The following AGBL1 variants were observed in gnomAD, a reference collection of about 807,000 sequenced individuals.
AGBL1 encodes the protein cytosolic carboxypeptidase 4.
Under a neutral mutation model 118.9 loss-of-function variants are expected in AGBL1, and 130 were observed. The ratio of observed to expected loss-of-function variants is 1.09; its 90% CI spans 0.95 to 1.26. The LOEUF is 1.26. Among genes scored for constraint, AGBL1 ranks in the 50% most tolerant of loss-of-function variants. AGBL1 has a pLI of 0.00. For synonymous variants in AGBL1, 555 were observed against 478.9 expected (o/e 1.16, Z -2.08); for missense variants, 1,584 against 1,298.1 (o/e 1.22, Z -3.38).
At chr15:86,506,894 G>A (rs2082983966) in intron 18 of AGBL1, among the ~76,000 whole-genome samples, 1 of 151,894 alleles carries the variant, frequency 6.6e-6, no homozygotes, top group African/African-American at 2.4e-5. Flanking sequence ...ATATCATGTA[G>A]GATAATTTTT....
At chr15:86,193,429 A>T (rs1334026302) in intron 5 of AGBL1, among the ~76,000 whole-genome samples, 1 of 152,136 alleles carries the variant, frequency 6.6e-6, no homozygotes, top group Non-Finnish European at 1.5e-5. Context: ...CCATTTTTCT[A>T]AATTAGAAGG....
At chr15:86,854,484 G>T (rs2079450299) in intron 22 of AGBL1, among the ~76,000 whole-genome samples, 1 of 152,176 alleles carries the variant, frequency 6.6e-6, no homozygotes, top group South Asian at 2.1e-4. Context: ...CATCAGGGCT[G>T]CAGGGGAGTC....
At chr15:86,880,261 G>C (rs12324247) in intron 22 of AGBL1, among the ~76,000 whole-genome samples, 1,796 of 152,250 alleles carry the variant, frequency 0.012, 38 homozygotes, top group African/African-American at 0.041. Context: ...GATAAAGTAA[G>C]AAATTCACTC....
At chr15:86,235,263 T>G (rs1023002073) in intron 6 of AGBL1, among the ~76,000 whole-genome samples, 1 of 152,238 alleles carries the variant, frequency 6.6e-6, no homozygotes, top group Non-Finnish European at 1.5e-5. Flanking sequence ...CTATTGACTC[T>G]AATGTGTTTT....
At chr15:86,136,705 G>C (rs543685554) in intron 1 of AGBL1, among the ~76,000 whole-genome samples, 64 of 152,298 alleles carry the variant, frequency 4.2e-4, no homozygotes, top group African/African-American at 1.3e-3. Context: ...TGGGGTAGGA[G>C]GAGTGGCTGC....
chr15:86,606,505 T>C (rs2084579808), intron 21 of AGBL1, among the ~76,000 whole-genome samples: 1 of 152,182 alleles, frequency 6.6e-6, no homozygotes, highest in Non-Finnish European at 1.5e-5. Flanking sequence ...GTTGAACAAC[T>C]CACCATTAAA....
At chr15:86,346,919 T>C (rs2080546622) in intron 17 of AGBL1, among the ~76,000 whole-genome samples, 1 of 152,164 alleles carries the variant, frequency 6.6e-6, no homozygotes, top group Admixed American at 6.5e-5. Flanking sequence ...GTTGATCTGT[T>C]GTAGGTCAAC....
chr15:86,869,481 G>C (rs1350078880), intron 22 of AGBL1, among the ~76,000 whole-genome samples: 1 of 152,108 alleles, frequency 6.6e-6, no homozygotes, highest in African/African-American at 2.4e-5. Context: ...ATATGGTAAA[G>C]CTAAATGACA....
intron 4 of AGBL1, among the ~76,000 whole-genome samples, chr15:86,157,564 A>G (rs1385459907): frequency 6.6e-6 from 1 of 152,190 alleles, no homozygotes; most frequent in Non-Finnish European, 1.5e-5. Flanking sequence ...TTCTAAGCCT[A>G]CGTTGATTGT....
At chr15:86,196,879 G>GCGCGCGCGCGCACACACA (rs756313941) in intron 5 of AGBL1, among the ~76,000 whole-genome samples, 33 of 116,960 alleles carry the variant, frequency 2.8e-4, no homozygotes, top group African/African-American at 1.2e-3. Context: ...GCGCGCGCGC[G>GCGCGCGCGCGCACACACA]CACACACACA....
At chr15:86,849,982 A>G (rs1311751269) in intron 22 of AGBL1, among the ~76,000 whole-genome samples, 2 of 152,202 alleles carry the variant, frequency 1.3e-5, no homozygotes, top group African/African-American at 4.8e-5. Flanking sequence ...TTCCATTCCT[A>G]TGCTGTTCAG....
chr15:86,632,906 A>G (rs536767558), intron 21 of AGBL1, among the ~76,000 whole-genome samples: 3 of 152,370 alleles, frequency 2.0e-5, no homozygotes, highest in East Asian at 1.9e-4. Flanking sequence ...CAAACTAACC[A>G]TACTTGATTC....
At chr15:86,494,058 C>T (rs965287655) in intron 18 of AGBL1, among the ~76,000 whole-genome samples, 2 of 152,086 alleles carry the variant, frequency 1.3e-5, no homozygotes, top group Non-Finnish European at 2.9e-5. Context: ...CCTTGACGCT[C>T]ACTGACATCT....
At chr15:86,260,990 T>G (rs2078973075) in intron 9 of AGBL1, among the ~76,000 whole-genome samples, 1 of 152,184 alleles carries the variant, frequency 6.6e-6, no homozygotes. Flanking sequence ...GCAGAAATGG[T>G]CTCTGTCACA....
intron 22 of AGBL1, among the ~76,000 whole-genome samples, chr15:86,718,999 A>G (rs1567138458): frequency 1.3e-5 from 2 of 152,132 alleles, no homozygotes; most frequent in African/African-American, 2.4e-5. Flanking sequence ...TCAACGATCT[A>G]TCCCTCAACA....
intron 22 of AGBL1, among the ~76,000 whole-genome samples, chr15:86,767,018 A>G (rs151090914): frequency 4.4e-4 from 67 of 152,128 alleles, no homozygotes; most frequent in African/African-American, 1.4e-3. Flanking sequence ...TAGGAAATTT[A>G]TGTGTTATTA....
intron 18 of AGBL1, among the ~76,000 whole-genome samples, chr15:86,493,660 A>G (rs569412081): frequency 2.0e-5 from 3 of 152,130 alleles, no homozygotes; most frequent in Admixed American, 1.3e-4. Context: ...CAGTCCACAC[A>G]CTTTCTTCCG....
chr15:86,367,593 G>GA (rs112995350), intron 17 of AGBL1, among the ~76,000 whole-genome samples: 324 of 143,430 alleles, frequency 2.3e-3, no homozygotes, highest in African/African-American at 7.2e-3. Flanking sequence ...ATTGTTAACT[G>GA]AAAAAAAAAA....
At chr15:86,492,516 G>A (rs1212992457) in intron 18 of AGBL1, among the ~76,000 whole-genome samples, 1 of 151,550 alleles carries the variant, frequency 6.6e-6, no homozygotes, top group Non-Finnish European at 1.5e-5. Context: ...CTTGAAACTG[G>A]GAGGCGGAGG....
Sources: gnomAD v4.1 joint callset for allele counts (sites outside exome capture counted in the v4.1 genomes callset) on GRCh38, gnomAD v4.1.1 for gene constraint, MANE v1.5 for transcripts, NCBI Gene and HGNC (gene_info 2026-07-23, HGNC 2026-07-21) for gene names.